PCDH9: variants seen among roughly 807,000 people sequenced by gnomAD.
PCDH9 encodes protocadherin-9.
PCDH9 carries 24 observed loss-of-function variants against 70.6 expected under a neutral mutation model. The ratio of observed to expected loss-of-function variants is 0.34; its 90% CI spans 0.25 to 0.48. The LOEUF is 0.48. Among genes scored for constraint, PCDH9 ranks in the 20% least tolerant of loss-of-function variants. The probability of loss-of-function intolerance (pLI) is 0.99; values close to 1 mark genes in which losing one functional copy is unlikely to be tolerated. For missense variants in PCDH9, 1,281 were observed against 1,503.6 expected (o/e 0.85, Z 2.45); for synonymous variants, 562 against 558.5 (o/e 1.01, Z -0.09).
In PCDH9 at chr13:66,994,970, C is replaced by G. The variant is rs114259887; in HGVS notation, c.3037-91365G>C. 3.8e-3 allele frequency among the ~76,000 whole-genome samples: 581 copies of G among 152,142 alleles called. 5 individuals carry two copies. The highest frequency in any genetic ancestry group is 0.013 in the African/African-American group (540 of 41,508). On this transcript the variant is annotated intron_variant, in intron 2 of 4. Coordinates refer to ENST00000377865, the MANE Select transcript of PCDH9 (RefSeq NM_203487.3). The stretch of plus-strand genomic sequence containing the variant: ...TTTTGTAATCCATTTACGGAACATG[C>G]CTGCAATGAAAAATTAATTATTAAA...
intron 4 of PCDH9, among the ~76,000 whole-genome samples, chr13:66,564,173 T>C (rs980363756): frequency 4.1e-5 from 6 of 147,586 alleles, no homozygotes; most frequent in Non-Finnish European, 5.9e-5. Context: ...GAAATTTTGA[T>C]TTTTTTTTTA....
At chr13:66,380,334 G>T (rs1395619789) in intron 4 of PCDH9, among the ~76,000 whole-genome samples, 2 of 152,014 alleles carry the variant, frequency 1.3e-5, no homozygotes, top group African/African-American at 4.8e-5. Flanking sequence ...AATACCAATG[G>T]CATCTAAAGA....
intron 4 of PCDH9, among the ~76,000 whole-genome samples, chr13:66,577,168 G>A (rs2076826758): frequency 1.3e-5 from 2 of 151,634 alleles, no homozygotes; most frequent in Non-Finnish European, 1.5e-5. Context: ...CAGTGAACCA[G>A]TCTACTAACA....
intron 4 of PCDH9, among the ~76,000 whole-genome samples, chr13:66,540,284 T>G (rs2138655100): frequency 6.6e-6 from 1 of 152,274 alleles, no homozygotes; most frequent in Non-Finnish European, 1.5e-5. Flanking sequence ...TACATATTCA[T>G]GAAGGAACCG....
chr13:67,137,249 C>T (rs895254801), intron 2 of PCDH9, among the ~76,000 whole-genome samples: 2 of 151,928 alleles, frequency 1.3e-5, no homozygotes, highest in African/African-American at 4.8e-5. Context: ...TGTGAAGAGC[C>T]AGGGCTTGAT....
At chr13:66,551,500 T>G (rs1961488821) in intron 4 of PCDH9, among the ~76,000 whole-genome samples, 2 of 152,162 alleles carry the variant, frequency 1.3e-5, no homozygotes, top group Non-Finnish European at 2.9e-5. Flanking sequence ...TAGAAACATG[T>G]CAAATTTAAG....
At chr13:66,624,789 C>T (rs1216734631) in intron 4 of PCDH9, among the ~76,000 whole-genome samples, 1 of 152,134 alleles carries the variant, frequency 6.6e-6, no homozygotes, top group Non-Finnish European at 1.5e-5. Context: ...AAACATCCAT[C>T]CATACTTGTG....
chr13:66,993,332 G>A (rs12585237), intron 2 of PCDH9, among the ~76,000 whole-genome samples: 38,983 of 152,042 alleles, frequency 0.26, 5,386 homozygotes, highest in East Asian at 0.56. Flanking sequence ...ATATGAAAAC[G>A]TGACATCAAT....
At chr13:66,379,655 T>C (rs1156744662) in intron 4 of PCDH9, among the ~76,000 whole-genome samples, 1 of 152,128 alleles carries the variant, frequency 6.6e-6, no homozygotes, top group Non-Finnish European at 1.5e-5. Context: ...GTATCTATAG[T>C]GCTGTATTAC....
intron 4 of PCDH9, among the ~76,000 whole-genome samples, chr13:66,427,670 AC>A (rs1252550808): frequency 2.0e-5 from 3 of 151,638 alleles, no homozygotes; most frequent in African/African-American, 7.3e-5. Flanking sequence ...GCCTCTTCCC[AC>A]CTTTTTTTTC....
chr13:66,743,343 G>A (rs1434001772), intron 3 of PCDH9, among the ~76,000 whole-genome samples: 1 of 121,276 alleles, frequency 8.2e-6, no homozygotes, highest in Non-Finnish European at 1.7e-5. Context: ...GGGGACTGTG[G>A]TGGGGTGGGG....
At chr13:66,494,702 CAT>C (rs1381354626) in intron 4 of PCDH9, among the ~76,000 whole-genome samples, 2 of 152,076 alleles carry the variant, frequency 1.3e-5, no homozygotes, top group Admixed American at 6.6e-5. Flanking sequence ...AAATTTAAAG[CAT>C]ATCCAGTTTG....
At chr13:66,409,504 G>A (rs1280126538) in intron 4 of PCDH9, among the ~76,000 whole-genome samples, 1 of 152,132 alleles carries the variant, frequency 6.6e-6, no homozygotes, top group East Asian at 1.9e-4. Flanking sequence ...GCTATAAGGT[G>A]TGTGGTATTT....
At chr13:66,339,085 C>T (rs934270507) in intron 4 of PCDH9, among the ~76,000 whole-genome samples, 1 of 151,908 alleles carries the variant, frequency 6.6e-6, no homozygotes, top group Admixed American at 6.6e-5. Flanking sequence ...TTCATATATG[C>T]AACTGTCTGA....
At chr13:67,179,897 A>T (rs1426070634) in intron 2 of PCDH9, among the ~76,000 whole-genome samples, 3 of 152,122 alleles carry the variant, frequency 2.0e-5, no homozygotes, top group African/African-American at 7.2e-5. Flanking sequence ...CAGAAAGGCA[A>T]ATATTGATTG....
intron 4 of PCDH9, among the ~76,000 whole-genome samples, chr13:66,524,159 A>G (rs1960117082): frequency 6.6e-6 from 1 of 152,108 alleles, no homozygotes; most frequent in African/African-American, 2.4e-5. Flanking sequence ...ACAATTTGCA[A>G]GAATTATTTA....
At chr13:67,228,723 A>C (rs1480504801) in intron 1 of PCDH9, 148 bp from the exon 2 acceptor site, 1 of 322,838 alleles carries the variant, frequency 3.1e-6, no homozygotes, top group Non-Finnish European at 5.6e-6. Flanking sequence ...GGAGAAAAAC[A>C]CTAAATATCT....
intron 3 of PCDH9, among the ~76,000 whole-genome samples, chr13:66,896,938 A>T (rs769435256): frequency 6.6e-6 from 1 of 152,140 alleles, no homozygotes; most frequent in Non-Finnish European, 1.5e-5. Context: ...ATCACTCCTG[A>T]TCATTCACTT....
chr13:66,583,779 A>G (rs2076927102), intron 4 of PCDH9, among the ~76,000 whole-genome samples: 1 of 152,200 alleles, frequency 6.6e-6, no homozygotes, highest in African/African-American at 2.4e-5. Flanking sequence ...TTTTGTAAGA[A>G]GATTTTTTGT....
Sources: gnomAD v4.1 joint callset for allele counts (sites outside exome capture counted in the v4.1 genomes callset) on GRCh38, gnomAD v4.1.1 for gene constraint, MANE v1.5 for transcripts, NCBI Gene and HGNC (gene_info 2026-07-23, HGNC 2026-07-21) for gene names.